The following ZNF292 variants were observed in gnomAD, a reference collection of about 807,000 sequenced individuals.
ZNF292 encodes the protein zinc finger protein 292.
ZNF292 carries 26 observed loss-of-function variants against 217.9 expected under a neutral mutation model. The ratio of observed to expected loss-of-function variants is 0.12; its 90% CI spans 0.09 to 0.17. ZNF292 has a LOEUF of 0.17. Among genes scored for constraint, ZNF292 ranks in the 10% least tolerant of loss-of-function variants. The pLI, the probability that ZNF292 is intolerant of heterozygous loss-of-function variation, is 1.00. For missense variants in ZNF292, 2,904 were observed against 3,175.2 expected, an observed-to-expected ratio of 0.91 and a Z score of 2.05; for synonymous variants, 1,257 against 1,124.1, an observed-to-expected ratio of 1.12 and a Z score of -2.37.
At position 87,262,488 on chromosome 6, in the gene ZNF292, C is replaced by A. The variant is rs1775656016; in HGVS notation, c.*687C>A. The A allele has an allele frequency of 6.6e-6, 1 of 150,684 alleles. No individual in the cohort carries two copies. Among genetic ancestry groups the A allele is most frequent in the South Asian group, 2.1e-4 (1 of 4,820 alleles). The allele number at this position is 150,684 out of a possible 1,614,324, so 9.3% of individuals were successfully genotyped here. A position where few individuals can be genotyped will look rare whatever the true frequency, so the allele number is the denominator to read the frequency against. ...TTCATGTGAAATTAAAGCAGATTCT[C>A]TAGCAGTTTCCTATAGCTACAGTTT... On this transcript the variant is annotated 3_prime_UTR_variant, in exon 8 of 8. Transcript: ENST00000369577.
intron 5 of ZNF292, among the ~76,000 whole-genome samples, chr6:87,240,437 C>T (rs1053187559): frequency 1.3e-5 from 2 of 151,870 alleles, no homozygotes; most frequent in African/African-American, 4.8e-5. Context: ...TTTATTTTTT[C>T]TTCAGACAGA....
intron 6 of ZNF292, 127 bp from the exon 7 acceptor site, chr6:87,245,376 A>G: frequency 1.9e-6 from 1 of 512,872 alleles, no homozygotes; most frequent in Non-Finnish European, 3.2e-6. Context: ...CTTGCATTTT[A>G]ACTTAAGCAT....
intron 4 of ZNF292, among the ~76,000 whole-genome samples, chr6:87,232,065 T>C (rs1356770221): frequency 6.6e-6 from 1 of 152,160 alleles, no homozygotes; most frequent in Non-Finnish European, 1.5e-5. Flanking sequence ...CAGAAACATA[T>C]GCTTTATTTA....
chr6:87,258,010 C>T lies in ZNF292; in HGVS notation c.4381C>T (p.Arg1461Cys), dbSNP rs200166349. The T allele has an allele frequency of 4.0e-5, 64 of 1,613,846 alleles. No individual in the cohort carries two copies. Among genetic ancestry groups the T allele is most frequent in the South Asian group, 2.7e-4 (25 of 91,076 alleles). Residue 1461 changes from arginine to cysteine, a missense_variant, in exon 8 of 8, where the codon CGC (arginine) becomes TGC (cysteine). Transcript: ENST00000369577. ...PSFLQLLAENRSPAFLPNTFP... is the reference protein window; with the variant it reads ...PSFLQLLAENCSPAFLPNTFP... The stretch of plus-strand genomic sequence containing the variant: ...ATTTCTACAGCTTCTTGCTGAAAAT[C>T]GCTCGCCAGCATTTTTACCAAATAC...
intron 1 of ZNF292, among the ~76,000 whole-genome samples, chr6:87,162,630 G>A (rs894875043): frequency 1.4e-4 from 22 of 152,162 alleles, no homozygotes; most frequent in Non-Finnish European, 1.5e-5. Context: ...CTACTTTGCA[G>A]AGTATGCTTA....
chr6:87,252,934 G>T (rs1775004692), intron 7 of ZNF292, among the ~76,000 whole-genome samples: 1 of 151,822 alleles, frequency 6.6e-6, no homozygotes, highest in Non-Finnish European at 1.5e-5. Context: ...AAGAGACAGG[G>T]TCTTGCTCTG....
chr6:87,246,747 A>G (rs1774608873), intron 7 of ZNF292, among the ~76,000 whole-genome samples: 1 of 152,128 alleles, frequency 6.6e-6, no homozygotes, highest in African/African-American at 2.4e-5. Flanking sequence ...GCCTGCCTGT[A>G]GTCCCTGCTG....
At chr6:87,163,320 G>A (rs1387987493) in intron 1 of ZNF292, among the ~76,000 whole-genome samples, 3 of 151,978 alleles carry the variant, frequency 2.0e-5, no homozygotes, top group Non-Finnish European at 4.4e-5. Context: ...GTGTGGTGAT[G>A]GACACCTGTT....
intron 4 of ZNF292, among the ~76,000 whole-genome samples, chr6:87,232,207 TA>T (rs1773691185): frequency 1.3e-5 from 2 of 152,124 alleles, no homozygotes; most frequent in African/African-American, 4.8e-5. Flanking sequence ...ATGGTTTTAA[TA>T]CCAACGAGCC....
At chr6:87,180,166 A>C (rs73751990) in intron 1 of ZNF292, among the ~76,000 whole-genome samples, 1,689 of 152,326 alleles carry the variant, frequency 0.011, 35 homozygotes, top group African/African-American at 0.037. Flanking sequence ...AAAACAAAAC[A>C]AAAAAACAGA....
Position 87,226,660 on chromosome 6 carries a change from G to T in ZNF292, c.539-6665G>T, listed in dbSNP as rs28425766. Among the ~76,000 whole-genome samples the T allele has an allele frequency of 9.2e-5, 9 of 98,226 alleles. No homozygotes were observed. In the East Asian group the frequency reaches 1.7e-3, roughly 19 times the overall value. The allele number at this position is 98,226 out of a possible 152,430, so 64.4% of individuals were successfully genotyped here. On this transcript the variant is annotated intron_variant, in intron 4 of 7. Coordinates refer to ENST00000369577, the MANE Select transcript of ZNF292 (RefSeq NM_015021.3). The stretch of plus-strand genomic sequence containing the variant: ...ATATCTATATATCTATATATATATA[G>T]ATATATAGATATATAGATATATAGA...
At chr6:87,185,489 ACTTT>A (rs1396034586) in intron 1 of ZNF292, among the ~76,000 whole-genome samples, 1 of 152,134 alleles carries the variant, frequency 6.6e-6, no homozygotes. Flanking sequence ...CTTGAAGCAT[ACTTT>A]CTTTGAGAGG....
chr6:87,233,243 TA>T (rs1773740566), intron 4 of ZNF292, 81 bp from the exon 5 acceptor site: 1 of 1,038,168 alleles, frequency 9.6e-7, no homozygotes, highest in Non-Finnish European at 1.4e-6. Context: ...TTCCCGTGTT[TA>T]AAAATATTTC....
At position 87,155,738 on chromosome 6, in the gene ZNF292, C is replaced by A. The variant is rs1408791481; in HGVS notation, c.147C>A (p.Asp49Glu). 25 of 1,599,830 alleles carry A rather than the reference C, an allele frequency of 1.6e-5. No individual in the cohort carries two copies. Among genetic ancestry groups the A allele is most frequent in the Non-Finnish European group, 2.1e-5 (25 of 1,174,720 alleles). The change falls in exon 1 of 8, where the codon GAC (aspartate) becomes GAA (glutamate). Residue 49 changes from aspartate to glutamate, a missense_variant. Asp to Glu is a conservative substitution (Grantham distance 45, BLOSUM62 2). Coordinates refer to ENST00000369577, the MANE Select transcript of ZNF292 (RefSeq NM_015021.3). ...SRVPAVEAAT[D>E]YCQQLCQTLL... ...TACCGGCCGTGGAAGCGGCCACCGACTACTGTCAGCAGCTGTGCCAGGTGA... is the reference window on the plus strand; with the variant it reads ...TACCGGCCGTGGAAGCGGCCACCGAATACTGTCAGCAGCTGTGCCAGGTGA...
chr6:87,168,267 T>TA (rs1225619952), intron 1 of ZNF292, among the ~76,000 whole-genome samples: 1 of 152,240 alleles, frequency 6.6e-6, no homozygotes, highest in East Asian at 1.9e-4. Context: ...TACTATGTAA[T>TA]ACTTGCTCAG....
intron 1 of ZNF292, among the ~76,000 whole-genome samples, chr6:87,214,343 T>G (rs983836414): frequency 6.6e-6 from 1 of 152,072 alleles, no homozygotes; most frequent in Non-Finnish European, 1.5e-5. Flanking sequence ...TAGCTTTACC[T>G]TTGGGTTTCA....
At position 87,258,472 on chromosome 6, in the gene ZNF292, A is replaced by C; in HGVS notation, c.4843A>C (p.Thr1615Pro). 1 of 1,613,712 alleles carries C rather than the reference A, an allele frequency of 6.2e-7. No individual in the cohort carries two copies. Among genetic ancestry groups the C allele is most frequent in the Non-Finnish European group, 8.5e-7 (1 of 1,179,766 alleles). The change falls in exon 8 of 8, where the codon ACA (threonine) becomes CCA (proline). Residue 1615 changes from threonine to proline, a missense_variant. Coordinates refer to ENST00000369577, the MANE Select transcript of ZNF292 (RefSeq NM_015021.3). Reference protein sequence around the residue: ...RVSVISGPQNTRSSHLNKKGN... With the variant: ...RVSVISGPQNPRSSHLNKKGN... ...TTCTGTTATAAGTGGTCCTCAGAACACAAGATCCAGTCATTTAAATAAAAA... is the reference window on the plus strand; with the variant it reads ...TTCTGTTATAAGTGGTCCTCAGAACCCAAGATCCAGTCATTTAAATAAAAA...
chr6:87,218,120 A>G (rs944702474), intron 3 of ZNF292, among the ~76,000 whole-genome samples: 3 of 152,164 alleles, frequency 2.0e-5, no homozygotes, highest in African/African-American at 7.2e-5. Flanking sequence ...TGCCAGAACT[A>G]TACAATGAAT....
At chr6:87,180,815 T>TGA (rs1235622815) in intron 1 of ZNF292, among the ~76,000 whole-genome samples, 1 of 152,202 alleles carries the variant, frequency 6.6e-6, no homozygotes, top group African/African-American at 2.4e-5. Flanking sequence ...ACTCAGCCCT[T>TGA]GAGTACTTGA....
Sources: gnomAD v4.1 joint callset for allele counts (sites outside exome capture counted in the v4.1 genomes callset) on GRCh38, gnomAD v4.1.1 for gene constraint, MANE v1.5 for transcripts, NCBI Gene and HGNC (gene_info 2026-07-23, HGNC 2026-07-21) for gene names.